VRK2: variants seen among roughly 807,000 people sequenced by gnomAD.
VRK2 encodes the protein serine/threonine-protein kinase VRK2.
Under a neutral mutation model 57.6 loss-of-function variants are expected in VRK2, and 60 were observed. The ratio of observed to expected loss-of-function variants is 1.04; its 90% CI spans 0.85 to 1.29. The LOEUF (loss-of-function observed/expected upper bound fraction) is 1.29, where lower values mean the gene tolerates loss of function less well. VRK2 is among the 50% of genes most tolerant of loss of function. The probability of loss-of-function intolerance (pLI) is 0.00; values close to 1 mark genes in which losing one functional copy is unlikely to be tolerated. For missense variants in VRK2, 705 were observed against 588.1 expected, an observed-to-expected ratio of 1.20 and a Z score of -2.06; for synonymous variants, 231 against 199.2, an observed-to-expected ratio of 1.16 and a Z score of -1.35.
At chr2:58,101,214 T>C (rs890993543) in intron 7 of VRK2, among the ~76,000 whole-genome samples, 1 of 151,752 alleles carries the variant, frequency 6.6e-6, no homozygotes, top group Admixed American at 6.6e-5. Context: ...CTGTTACATA[T>C]ATAATTTTCC....
chr2:58,001,328 T>C (rs561845325), intron 1 of VRK2, among the ~76,000 whole-genome samples: 1 of 152,300 alleles, frequency 6.6e-6, no homozygotes, highest in African/African-American at 2.4e-5. Context: ...TTGCATACAA[T>C]GAAAGAAGAA....
At chr2:57,982,574 C>T (rs1056589357) in intron 1 of VRK2, among the ~76,000 whole-genome samples, 1 of 152,182 alleles carries the variant, frequency 6.6e-6, no homozygotes, top group Non-Finnish European at 1.5e-5. Flanking sequence ...TGAAAAAGCA[C>T]TCTGAAGGTT....
chr2:58,123,436 G>A lies in VRK2; in HGVS notation c.676+203G>A, dbSNP rs2043890. Among the ~76,000 whole-genome samples, 112,595 of 152,118 alleles carry A rather than the reference G, an allele frequency of 0.74. 42,811 individuals are homozygous for A. The highest frequency in any genetic ancestry group is 0.93 in the African/African-American group (38,672 of 41,546). On this transcript the variant is annotated intron_variant, in intron 8 of 12. Coordinates refer to ENST00000340157, the MANE Select transcript of VRK2 (RefSeq NM_006296.7). ...AAAGAAATTTAGACTGTGACAAGTG[G>A]TGAAGGAGCAAAAGTGTGTCAAGTA...
intron 5 of VRK2, among the ~76,000 whole-genome samples, chr2:58,086,972 G>T (rs974253968): frequency 4.6e-5 from 7 of 152,170 alleles, no homozygotes; most frequent in African/African-American, 1.7e-4. Context: ...TCACTAGATA[G>T]ATCCATTGGT....
chr2:58,141,368 T>G (rs914124080), intron 11 of VRK2, among the ~76,000 whole-genome samples: 1 of 151,968 alleles, frequency 6.6e-6, no homozygotes, highest in Non-Finnish European at 1.5e-5. Flanking sequence ...AATTTTCAGT[T>G]TCATCAAATT....
chr2:57,929,041 C>T (rs1670633857), intron 1 of VRK2, among the ~76,000 whole-genome samples: 1 of 152,182 alleles, frequency 6.6e-6, no homozygotes, highest in Admixed American at 6.5e-5. Flanking sequence ...CCAAGGCCCA[C>T]AATAACCACT....
chr2:58,051,787 G>C (rs1219789973), intron 2 of VRK2, among the ~76,000 whole-genome samples: 5 of 152,158 alleles, frequency 3.3e-5, no homozygotes, highest in African/African-American at 1.2e-4. Flanking sequence ...GAGAAGTTTG[G>C]TATTTACTCT....
At chr2:58,020,383 T>A (rs2103670233) in intron 1 of VRK2, among the ~76,000 whole-genome samples, 1 of 152,292 alleles carries the variant, frequency 6.6e-6, no homozygotes, top group East Asian at 1.9e-4. Flanking sequence ...TTTTTTAATA[T>A]TTTTAGAGAC....
At chr2:58,041,131 G>T (rs1518403) in intron 3 of VRK2, 1 of 934,292 alleles carries the variant, frequency 1.1e-6, no homozygotes, top group Non-Finnish European at 1.3e-6. Context: ...TATGGTGCTC[G>T]TATTTGGGGA....
intron 7 of VRK2, among the ~76,000 whole-genome samples, chr2:58,101,655 T>A (rs1673986840): frequency 6.6e-6 from 1 of 151,708 alleles, no homozygotes; most frequent in Non-Finnish European, 1.5e-5. Flanking sequence ...GCCTAGATCA[T>A]GTGATTTCTT....
chr2:57,963,308 T>A (rs1671815878), intron 1 of VRK2, among the ~76,000 whole-genome samples: 1 of 152,176 alleles, frequency 6.6e-6, no homozygotes, highest in Admixed American at 6.5e-5. Flanking sequence ...GAAATCAGAA[T>A]TTGTGTGCTA....
chr2:57,999,624 T>C (rs931252087), intron 1 of VRK2, among the ~76,000 whole-genome samples: 9 of 152,210 alleles, frequency 5.9e-5, no homozygotes, highest in African/African-American at 1.7e-4. Context: ...CTGAAGCCTG[T>C]ATGTTATTTT....
At chr2:58,068,447 T>G (rs563153791) in intron 2 of VRK2, among the ~76,000 whole-genome samples, 1 of 152,296 alleles carries the variant, frequency 6.6e-6, no homozygotes, top group East Asian at 1.9e-4. Context: ...CTGGCTGCTT[T>G]CAAGATTTTT....
chr2:57,912,216 T>A (rs1023100684), intron 1 of VRK2, among the ~76,000 whole-genome samples: 2 of 152,210 alleles, frequency 1.3e-5, no homozygotes, highest in Admixed American at 6.5e-5. Flanking sequence ...AGGTTTTGCA[T>A]GGAAAAATCC....
intron 9 of VRK2, among the ~76,000 whole-genome samples, chr2:58,132,581 GCATAGA>G (rs1416276944): frequency 2.0e-5 from 3 of 152,092 alleles, no homozygotes; most frequent in Non-Finnish European, 4.4e-5. Flanking sequence ...AAAGTCAATT[GCATAGA>G]GCACAGAATA....
chr2:58,019,922 AAG>A (rs1433023367), intron 1 of VRK2, among the ~76,000 whole-genome samples: 11 of 152,356 alleles, frequency 7.2e-5, no homozygotes, highest in Non-Finnish European at 1.0e-4. Context: ...GAAACAAAAA[AAG>A]CACTTTAGGA....
At chr2:57,907,976 A>C (rs892497129) in intron 1 of VRK2, 3 of 152,228 alleles carry the variant, frequency 2.0e-5, no homozygotes, top group African/African-American at 7.2e-5. Context: ...AGATCATTTC[A>C]TCAATACAGG....
intron 1 of VRK2, among the ~76,000 whole-genome samples, chr2:57,986,399 TCTTTATAGAAATCAG>T (rs1185191264): frequency 6.6e-6 from 1 of 152,150 alleles, no homozygotes. Context: ...CAGCAAGATT[TCTTTATAGAAATCAG>T]CACACTAATT....
intron 1 of VRK2, among the ~76,000 whole-genome samples, chr2:57,972,325 C>G (rs567967805): frequency 2.0e-5 from 3 of 151,114 alleles, no homozygotes; most frequent in East Asian, 3.9e-4. Flanking sequence ...TCAGACTCAA[C>G]TTCCTTAATT....
Sources: allele counts gnomAD v4.1 joint callset (sites outside exome capture counted in the v4.1 genomes callset), GRCh38; gene constraint gnomAD v4.1.1; transcripts MANE v1.5; gene names NCBI Gene and HGNC (gene_info 2026-07-23, HGNC 2026-07-21).